The following ABHD12 variants were observed in gnomAD, a reference collection of about 807,000 sequenced individuals.
ABHD12 encodes the protein lysophosphatidylserine lipase ABHD12.
ABHD12 carries 43 observed loss-of-function variants against 58.3 expected under a neutral mutation model. The ratio of observed to expected loss-of-function variants is 0.74; its 90% CI spans 0.58 to 0.95. The LOEUF is 0.95. Ranked by LOEUF, ABHD12 falls within the 40% of genes least tolerant of loss-of-function variation. The probability of loss-of-function intolerance (pLI) is 0.00; values close to 1 mark genes in which losing one functional copy is unlikely to be tolerated. For missense variants in ABHD12, 539 were observed against 537.2 expected (o/e 1.00, Z -0.03); for synonymous variants, 219 against 211.2 (o/e 1.04, Z -0.32).
intron 2 of ABHD12, among the ~76,000 whole-genome samples, chr20:25,323,924 T>C (rs947440026): frequency 2.6e-5 from 4 of 152,026 alleles, no homozygotes; most frequent in South Asian, 4.2e-4. Context: ...CAACGGAACG[T>C]TGGGTGGCAA....
chr20:25,304,658 C>A (rs962059822), intron 10 of ABHD12, among the ~76,000 whole-genome samples: 8 of 152,198 alleles, frequency 5.3e-5, no homozygotes, highest in Non-Finnish European at 1.0e-4. Context: ...ACCTCTGCCT[C>A]CTGGGTTCAA....
intron 5 of ABHD12, among the ~76,000 whole-genome samples, chr20:25,316,160 C>CTT (rs150214633): frequency 3.4e-4 from 51 of 150,130 alleles, no homozygotes; most frequent in South Asian, 3.4e-3. Flanking sequence ...TTTCTCTTTT[C>CTT]CTTTTTTTTT....
At chr20:25,337,284 A>C (rs1380416792) in intron 2 of ABHD12, among the ~76,000 whole-genome samples, 3 of 152,176 alleles carry the variant, frequency 2.0e-5, no homozygotes, top group Admixed American at 1.3e-4. Flanking sequence ...ACAAAACAAC[A>C]AAACAAAATG....
At chr20:25,390,430 G>C (rs1027092939) in intron 1 of ABHD12, 83 bp downstream of exon 1, 159 of 1,290,798 alleles carry the variant, frequency 1.2e-4, no homozygotes, top group Middle Eastern at 2.8e-4. Flanking sequence ...GGGGCTGGGA[G>C]GTACCGCGGC....
At chr20:25,324,090 A>G (rs2089131534) in intron 2 of ABHD12, among the ~76,000 whole-genome samples, 1 of 152,196 alleles carries the variant, frequency 6.6e-6, no homozygotes, top group Non-Finnish European at 1.5e-5. Flanking sequence ...TCCTGCATCT[A>G]CCAGGTCATC....
intron 1 of ABHD12, among the ~76,000 whole-genome samples, chr20:25,369,931 A>T (rs1442126466): frequency 5.0e-4 from 67 of 132,988 alleles, no homozygotes; most frequent in African/African-American, 2.0e-3. Flanking sequence ...CTGTTATAAA[A>T]AAAAAAAAAA....
rs1270278175 is a variant in ABHD12 at position 25,303,594 on chromosome 20, G to T, written c.985C>A (p.His329Asn). ...GGCACCACCGGGTCGTCCTCAGCGTGCAGGATGAGCAGGGGACAGGAGATG... is the reference window on the plus strand; with the variant it reads ...GGCACCACCGGGTCGTCCTCAGCGTTCAGGATGAGCAGGGGACAGGAGATG... ...KHISCPLLILHAEDDPVVPFQ... is the reference protein window; with the variant it reads ...KHISCPLLILNAEDDPVVPFQ... The change falls in exon 11 of 13, where the codon CAC becomes AAC. Residue 329 changes from histidine (H) to asparagine (N), a missense_variant. By Grantham distance (68) the His-to-Asn change is moderately conservative. Transcript: ENST00000339157. The T allele has an allele frequency of 6.2e-7, 1 of 1,613,868 alleles. No individual in the cohort carries two copies. The highest frequency in any genetic ancestry group is 1.3e-5 in the African/African-American group (1 of 75,074).
chr20:25,299,612 C>G (rs2088601765), downstream of ABHD12, among the ~76,000 whole-genome samples: 1 of 152,200 alleles, frequency 6.6e-6, no homozygotes, highest in Admixed American at 6.5e-5. Flanking sequence ...GGGCTCTGTG[C>G]TGGAGTAAAC....
exon 13 of ABHD12, chr20:25,294,872 C>T (rs1435271746): frequency 1.5e-5 from 21 of 1,359,402 alleles, no homozygotes; most frequent in Non-Finnish European, 2.0e-5. Context: ...TTGAATCCGG[C>T]GAGGGCTGGG....
intron 1 of ABHD12, among the ~76,000 whole-genome samples, chr20:25,360,882 C>T (rs1196914161): frequency 6.6e-6 from 1 of 152,194 alleles, no homozygotes; most frequent in African/African-American, 2.4e-5. Flanking sequence ...GGGCCACTGC[C>T]CCAATTCATC....
At chr20:25,304,631 G>C (rs1163965985) in intron 10 of ABHD12, among the ~76,000 whole-genome samples, 1 of 152,190 alleles carries the variant, frequency 6.6e-6, no homozygotes, top group Non-Finnish European at 1.5e-5. Flanking sequence ...GCAGTGGTGC[G>C]ATCTCAGCTC....
intron 1 of ABHD12, among the ~76,000 whole-genome samples, chr20:25,364,947 C>T (rs748876773): frequency 4.6e-5 from 7 of 152,262 alleles, no homozygotes; most frequent in Non-Finnish European, 8.8e-5. Flanking sequence ...CCCTTCCCTA[C>T]GGAGTGTAGA....
chr20:25,337,188 C>T (rs992485292), intron 2 of ABHD12, among the ~76,000 whole-genome samples: 3 of 152,190 alleles, frequency 2.0e-5, no homozygotes, highest in African/African-American at 7.2e-5. Context: ...ATCACCTGAA[C>T]CTGGGAGGTC....
chr20:25,364,696 C>G (rs565638553), intron 1 of ABHD12, among the ~76,000 whole-genome samples: 77 of 152,198 alleles, frequency 5.1e-4, no homozygotes, highest in Non-Finnish European at 9.8e-4. Flanking sequence ...AAACATACGT[C>G]ACTAAATTAA....
intron 1 of ABHD12, among the ~76,000 whole-genome samples, chr20:25,379,155 T>A (rs981604189): frequency 6.6e-6 from 1 of 152,176 alleles, no homozygotes; most frequent in Non-Finnish European, 1.5e-5. Context: ...AGGGACCCCG[T>A]GCAGGCTTCC....
At chr20:25,300,076 G>C (rs1302998677), downstream of ABHD12, 8 of 565,926 alleles carry the variant, frequency 1.4e-5, no homozygotes, top group African/African-American at 2.0e-5. Context: ...AAATTTCTGA[G>C]CTGCTGGGAC....
At position 25,390,577 on chromosome 20, in the gene ABHD12, T is replaced by C. The variant is rs781732192; in HGVS notation, c.127A>G (p.Thr43Ala). ...DCRLKQNLRL[T>A]GPAAAEPRCA... ...CGCGGCTCAGCCGCCGCCGGGCCCG[T>C]CAGGCGTAGGTTCTGCTTCAGGCGG... Residue 43 changes from threonine (T) to alanine (A), a missense_variant, in exon 1 of 13, where the codon ACG becomes GCG. Coordinates refer to ENST00000339157, the MANE Select transcript of ABHD12 (RefSeq NM_001042472.3). 1 of 1,469,824 alleles carries C rather than the reference T, an allele frequency of 6.8e-7. No homozygotes were observed. The highest frequency in any genetic ancestry group is 3.2e-5 in the East Asian group (1 of 31,492). 91.0% of individuals were successfully genotyped at this position (1,469,824 alleles called of 1,614,324 possible).
intron 1 of ABHD12, among the ~76,000 whole-genome samples, chr20:25,345,821 AT>A (rs1332806580): frequency 6.6e-6 from 1 of 152,248 alleles, no homozygotes; most frequent in East Asian, 1.9e-4. Flanking sequence ...AGGAATTCTC[AT>A]TCATTCCCAG....
At chr20:25,295,234 A>G (rs2258720), downstream of ABHD12, among the ~76,000 whole-genome samples, 142,160 of 152,358 alleles carry the variant, frequency 0.93, 66,390 homozygotes, top group East Asian at 1. Flanking sequence ...GTTCCCCAGC[A>G]AGTGCCCCCT....
Sources: gnomAD v4.1 joint callset for allele counts (sites outside exome capture counted in the v4.1 genomes callset) on GRCh38, gnomAD v4.1.1 for gene constraint, MANE v1.5 for transcripts, NCBI Gene and HGNC (gene_info 2026-07-23, HGNC 2026-07-21) for gene names.